Variants in TEX11 observed in about 807,000 individuals in gnomAD.
The protein encoded by TEX11 is testis-expressed protein 11.
Under a neutral mutation model 84.4 loss-of-function variants are expected in TEX11, and 7 were observed. The ratio of observed to expected loss-of-function variants is 0.08; its 90% CI spans 0.05 to 0.16. The LOEUF (loss-of-function observed/expected upper bound fraction) is 0.16. Among genes scored for constraint, TEX11 ranks in the 10% least tolerant of loss-of-function variants. The pLI is 1.00. For synonymous variants in TEX11, 264 were observed against 222.8 expected (o/e 1.18, Z -1.64); for missense variants, 551 against 660.5 (o/e 0.83, Z 1.82).
At chrX:70,702,303 A>C (rs2090332378) in intron 13 of TEX11, among the ~76,000 whole-genome samples, 1 of 111,977 alleles carries the variant, frequency 8.9e-6, no homozygotes, top group African/African-American at 3.2e-5. Flanking sequence ...CAACAACATC[A>C]AGACAAGACC....
chrX:70,778,469 A>C (rs1387890788), intron 9 of TEX11, among the ~76,000 whole-genome samples: 1 of 111,080 alleles, frequency 9.0e-6, no homozygotes, highest in Non-Finnish European at 1.9e-5. Context: ...AACAACAACA[A>C]CAAAAAACAG....
chrX:70,744,318 T>A (rs1030141515), intron 9 of TEX11, 99 bp from the exon 10 acceptor site: 1 of 294,358 alleles, frequency 3.4e-6, no homozygotes, highest in South Asian at 1.6e-4. Flanking sequence ...TAAGAAGACA[T>A]GGTATAAGCA....
intron 16 of TEX11, among the ~76,000 whole-genome samples, chrX:70,665,678 T>C (rs1353086703): frequency 1.8e-5 from 2 of 112,168 alleles, no homozygotes; most frequent in Non-Finnish European, 3.8e-5. Context: ...AATGAATCTG[T>C]AACCTAATCT....
chrX:70,539,038 A>ATATATATATATATATATATT, intron 28 of TEX11, among the ~76,000 whole-genome samples: 2 of 41,257 alleles, frequency 4.8e-5, no homozygotes, highest in African/African-American at 1.8e-4. Context: ...ATATATATAT[A>ATATATATATATATATATATT]TTTTTTTTTT....
At chrX:70,767,266 CA>C (rs1297365109) in intron 9 of TEX11, among the ~76,000 whole-genome samples, 1 of 111,605 alleles carries the variant, frequency 9.0e-6, no homozygotes, top group Non-Finnish European at 1.9e-5. Context: ...AATAACTCTA[CA>C]GGGGAAAATC....
chrX:70,845,975 T>C (rs2091477182), intron 7 of TEX11: 1 of 111,847 alleles, frequency 8.9e-6, no homozygotes. Flanking sequence ...ATGATATGTG[T>C]TCAAGGGCCC....
chrX:70,554,539 T>C, intron 26 of TEX11, 112 bp downstream of exon 26: 3 of 706,041 alleles, frequency 4.2e-6, no homozygotes, highest in Non-Finnish European at 6.1e-6. Flanking sequence ...CAAAGTGCTA[T>C]GAGAAAAAAT....
intron 9 of TEX11, among the ~76,000 whole-genome samples, chrX:70,766,388 G>T (rs1602110316): frequency 9.2e-6 from 1 of 108,741 alleles, no homozygotes; most frequent in South Asian, 4.1e-4. Context: ...CTCCAGCCTG[G>T]GTGACAGAGC....
intron 7 of TEX11, among the ~76,000 whole-genome samples, chrX:70,845,633 G>A (rs896618565): frequency 9.1e-6 from 1 of 110,092 alleles, no homozygotes; most frequent in Middle Eastern, 4.7e-3. Context: ...TTCGAGACCC[G>A]CCTGGCCAAC....
chrX:70,711,454 T>C (rs1292968909), intron 13 of TEX11, among the ~76,000 whole-genome samples: 1 of 109,318 alleles, frequency 9.1e-6, no homozygotes, highest in East Asian at 2.9e-4. Flanking sequence ...GCACCTGTTG[T>C]TTCCTGACTT....
At chrX:70,664,161 C>G (rs530803969) in intron 16 of TEX11, among the ~76,000 whole-genome samples, 43 of 111,992 alleles carry the variant, frequency 3.8e-4, no homozygotes, top group Non-Finnish European at 6.2e-4. Flanking sequence ...GTGATTGCCA[C>G]TTTTTCTCCT....
At chrX:70,584,829 C>T (rs1409860707) in intron 25 of TEX11, among the ~76,000 whole-genome samples, 2 of 111,123 alleles carry the variant, frequency 1.8e-5, no homozygotes, top group Non-Finnish European at 3.8e-5. Context: ...GTGATGAAAT[C>T]CAAAATATTT....
intron 13 of TEX11, 104 bp from the exon 14 acceptor site, chrX:70,682,929 G>T: frequency 1.4e-6 from 1 of 729,908 alleles, no homozygotes; most frequent in Non-Finnish European, 2.0e-6. Context: ...CCAGATAAAA[G>T]CATATCTGAA....
intron 9 of TEX11, among the ~76,000 whole-genome samples, chrX:70,753,388 T>A (rs1160549375): frequency 9.0e-6 from 1 of 111,241 alleles, no homozygotes; most frequent in Non-Finnish European, 1.9e-5. Context: ...TTGTCTTGCA[T>A]CTTGGATACC....
chrX:70,744,836 A>G (rs2090758220), intron 9 of TEX11, among the ~76,000 whole-genome samples: 1 of 108,731 alleles, frequency 9.2e-6, no homozygotes, highest in Non-Finnish European at 1.9e-5. Context: ...TCAGCCTCCC[A>G]AGTAGCTAGG....
At chrX:70,704,079 A>ATC (rs376720264) in intron 13 of TEX11, among the ~76,000 whole-genome samples, 55 of 96,548 alleles carry the variant, frequency 5.7e-4, no homozygotes, top group East Asian at 1.7e-3. Context: ...AGTGTGTGGT[A>ATC]TCTCTCTCTC....
At chrX:70,561,785 C>T (rs1407029453) in intron 25 of TEX11, among the ~76,000 whole-genome samples, 6 of 111,873 alleles carry the variant, frequency 5.4e-5, no homozygotes, top group Non-Finnish European at 1.1e-4. Context: ...ACTATATATA[C>T]ACACACATAC....
chrX:70,749,266 G>A, intron 9 of TEX11, among the ~76,000 whole-genome samples: 1 of 106,606 alleles, frequency 9.4e-6, no homozygotes, highest in East Asian at 3.0e-4. Context: ...TTTGTACATT[G>A]ATTTTGTATC....
intron 9 of TEX11, among the ~76,000 whole-genome samples, chrX:70,758,947 C>T (rs1199533230): frequency 8.9e-6 from 1 of 111,759 alleles, no homozygotes; most frequent in African/African-American, 3.2e-5. Context: ...CACCACTGAT[C>T]CCACAGAAAT....
Sources: gnomAD v4.1 joint callset for allele counts (sites outside exome capture counted in the v4.1 genomes callset) on GRCh38, gnomAD v4.1.1 for gene constraint, MANE v1.5 for transcripts, NCBI Gene and HGNC (gene_info 2026-07-23, HGNC 2026-07-21) for gene names.